Variants in SND1 observed in about 807,000 individuals in gnomAD.
SND1 encodes staphylococcal nuclease and tudor domain containing 1.
Under a neutral mutation model 121.7 loss-of-function variants are expected in SND1, and 38 were observed. The observed-to-expected ratio is 0.31, with a 90% CI of 0.24 to 0.41. The LOEUF is 0.41. Among genes scored for constraint, SND1 ranks in the 10% least tolerant of loss-of-function variants. SND1 has a pLI of 1.00. For missense variants in SND1, 868 were observed against 1,184.6 expected (o/e 0.73, Z 3.92); for synonymous variants, 401 against 447.4 (o/e 0.90, Z 1.31).
At chr7:128,049,242 C>T (rs1793004517) in intron 16 of SND1, among the ~76,000 whole-genome samples, 1 of 152,148 alleles carries the variant, frequency 6.6e-6, no homozygotes, top group African/African-American at 2.4e-5. Context: ...TTGATGAAGT[C>T]AAGTCTGGGG....
At chr7:127,857,878 G>A in intron 12 of SND1, 1 of 1,330,790 alleles carries the variant, frequency 7.5e-7, no homozygotes, top group Non-Finnish European at 1.1e-6. Context: ...AATGCGTTTG[G>A]AGTTGTAGAA....
At chr7:127,967,490 C>T (rs951628888) in intron 15 of SND1, among the ~76,000 whole-genome samples, 2 of 152,200 alleles carry the variant, frequency 1.3e-5, no homozygotes, top group African/African-American at 4.8e-5. Context: ...GCTTGATGTA[C>T]TCCCTTCCTG....
At chr7:127,824,438 T>C (rs1798607296) in intron 11 of SND1, among the ~76,000 whole-genome samples, 1 of 152,226 alleles carries the variant, frequency 6.6e-6, no homozygotes, top group East Asian at 1.9e-4. Context: ...TAACAAGTGT[T>C]CAAGGCCACC....
At chr7:127,735,829 G>C (rs535802479) in intron 10 of SND1, among the ~76,000 whole-genome samples, 1 of 152,248 alleles carries the variant, frequency 6.6e-6, no homozygotes, top group African/African-American at 2.4e-5. Flanking sequence ...GTTTCACTGT[G>C]TTGACCAGGC....
chr7:127,793,950 C>T (rs186005280), intron 10 of SND1, among the ~76,000 whole-genome samples: 28 of 151,980 alleles, frequency 1.8e-4, no homozygotes, highest in African/African-American at 5.3e-4. Context: ...GCAAGGCATG[C>T]TATATATATA....
chr7:128,088,164 GGA>G (rs1793715549), intron 21 of SND1, among the ~76,000 whole-genome samples: 1 of 152,022 alleles, frequency 6.6e-6, no homozygotes, highest in Non-Finnish European at 1.5e-5. Flanking sequence ...ACAGACATGT[GGA>G]GTCAGGTGCA....
chr7:127,691,584 T>TA (rs1795916659), intron 2 of SND1, among the ~76,000 whole-genome samples: 1 of 151,784 alleles, frequency 6.6e-6, no homozygotes, highest in Admixed American at 6.6e-5. Context: ...TAAAAGAAGG[T>TA]AAAAAATAAA....
intron 16 of SND1, among the ~76,000 whole-genome samples, chr7:128,069,792 T>A (rs1239895587): frequency 6.6e-6 from 1 of 152,090 alleles, no homozygotes; most frequent in African/African-American, 2.4e-5. Context: ...ACGGAGAACT[T>A]AAGTGGCACC....
intron 12 of SND1, chr7:127,857,892 A>C: frequency 7.3e-7 from 1 of 1,371,558 alleles, no homozygotes; most frequent in Non-Finnish European, 1.0e-6. Flanking sequence ...TGTAGAACTG[A>C]CCACGAAGGG....
intron 10 of SND1, among the ~76,000 whole-genome samples, chr7:127,788,043 T>C (rs1797843163): frequency 1.3e-5 from 2 of 152,276 alleles, no homozygotes; most frequent in Admixed American, 1.3e-4. Context: ...ACACCCTTGG[T>C]TGAATATGAA....
At chr7:127,757,614 T>C (rs1270760406) in intron 10 of SND1, among the ~76,000 whole-genome samples, 1 of 152,248 alleles carries the variant, frequency 6.6e-6, no homozygotes, top group Non-Finnish European at 1.5e-5. Context: ...CAGTTGGTTT[T>C]AATTTACATT....
intron 16 of SND1, among the ~76,000 whole-genome samples, chr7:128,055,107 GT>G (rs896887566): frequency 1.3e-5 from 2 of 152,162 alleles, no homozygotes; most frequent in Non-Finnish European, 2.9e-5. Flanking sequence ...TCGTGGTTTT[GT>G]TTTGTTTTGT....
chr7:127,848,901 C>T (rs1334798497), intron 12 of SND1, among the ~76,000 whole-genome samples: 1 of 152,178 alleles, frequency 6.6e-6, no homozygotes, highest in Non-Finnish European at 1.5e-5. Flanking sequence ...CAGGGCCTTG[C>T]TGGTGTGACA....
In SND1 at chr7:127,854,753, C is replaced by G. The variant is rs1584619870; in HGVS notation, c.1343+10329C>G. On this transcript the variant is annotated intron_variant, in intron 12 of 23. Transcript: ENST00000354725. ...GGGTCTTTTCTATGCCATTTCTCAG[C>G]CCCCTTCTCTTTATAATTCCTGTGG... is the stretch of plus-strand genomic sequence containing the variant. Among the ~76,000 whole-genome samples, 8 of 151,948 alleles carry G rather than the reference C, an allele frequency of 5.3e-5. 2 individuals are homozygous for G. The highest frequency in any genetic ancestry group is 5.2e-4 in the Admixed American group (8 of 15,248).
chr7:127,663,415 A>G (rs1795354223), intron 1 of SND1, among the ~76,000 whole-genome samples: 1 of 149,056 alleles, frequency 6.7e-6, no homozygotes, highest in South Asian at 2.1e-4. Flanking sequence ...CTCTGTCGCC[A>G]GGCTGGTGTG....
intron 12 of SND1, among the ~76,000 whole-genome samples, chr7:127,866,415 C>T (rs1288052339): frequency 6.6e-6 from 1 of 152,054 alleles, no homozygotes; most frequent in Non-Finnish European, 1.5e-5. Flanking sequence ...AGCTTTGATT[C>T]CCACCAGGAG....
At chr7:127,771,134 G>A (rs1054372141) in intron 10 of SND1, among the ~76,000 whole-genome samples, 5 of 152,274 alleles carry the variant, frequency 3.3e-5, no homozygotes, top group South Asian at 2.1e-4. Context: ...CTTGCTAATC[G>A]TGTTGTCACA....
intron 11 of SND1, among the ~76,000 whole-genome samples, chr7:127,820,868 T>A (rs936838748): frequency 5.3e-5 from 8 of 152,336 alleles, no homozygotes; most frequent in Admixed American, 4.6e-4. Flanking sequence ...GGGACCTTTC[T>A]GACCTTAGCA....
At chr7:127,791,640 G>A (rs968697485) in intron 10 of SND1, among the ~76,000 whole-genome samples, 1 of 151,950 alleles carries the variant, frequency 6.6e-6, no homozygotes, top group Admixed American at 6.6e-5. Flanking sequence ...CCTTCTCTTA[G>A]CCCTGGTTAT....
Sources: allele counts gnomAD v4.1 joint callset (sites outside exome capture counted in the v4.1 genomes callset), GRCh38; gene constraint gnomAD v4.1.1; transcripts MANE v1.5; gene names NCBI Gene and HGNC (gene_info 2026-07-23, HGNC 2026-07-21).